The following ZBTB7C variants were observed in gnomAD, a reference collection of about 807,000 sequenced individuals.
ZBTB7C encodes zinc finger and BTB domain containing 7C.
ZBTB7C carries 8 observed loss-of-function variants against 25.7 expected under a neutral mutation model. That is an observed-to-expected ratio of 0.31 (90% confidence interval 0.18 to 0.56). The LOEUF is 0.56. ZBTB7C is among the 20% of genes least tolerant of loss of function. The pLI is 0.91. For synonymous variants in ZBTB7C, 394 were observed against 369.0 expected (o/e 1.07, Z -0.78); for missense variants, 824 against 855.2 (o/e 0.96, Z 0.46).
At chr18:48,382,153 C>T (rs916950571) in intron 1 of ZBTB7C, among the ~76,000 whole-genome samples, 2 of 152,170 alleles carry the variant, frequency 1.3e-5, no homozygotes, top group South Asian at 2.1e-4. Flanking sequence ...GAAGCCAATA[C>T]TAGTGGGAAG....
At chr18:48,344,594 T>A (rs2046684583) in intron 1 of ZBTB7C, among the ~76,000 whole-genome samples, 1 of 152,178 alleles carries the variant, frequency 6.6e-6, no homozygotes, top group South Asian at 2.1e-4. Flanking sequence ...AAAGATGGTA[T>A]AATGGAGATC....
intron 2 of ZBTB7C, among the ~76,000 whole-genome samples, chr18:48,306,890 C>T (rs1379827681): frequency 6.6e-6 from 1 of 152,176 alleles, no homozygotes; most frequent in Non-Finnish European, 1.5e-5. Flanking sequence ...CAGATATGCC[C>T]TTTGCATCGG....
At chr18:48,225,026 T>C (rs1353972255) in intron 2 of ZBTB7C, among the ~76,000 whole-genome samples, 2 of 152,246 alleles carry the variant, frequency 1.3e-5, no homozygotes, top group African/African-American at 4.8e-5. Context: ...CAGAACTCTC[T>C]TTGTAATATT....
At chr18:48,367,108 G>A (rs1468179157) in intron 1 of ZBTB7C, among the ~76,000 whole-genome samples, 2 of 145,272 alleles carry the variant, frequency 1.4e-5, no homozygotes, top group African/African-American at 5.1e-5. Flanking sequence ...AGAAAAGGAA[G>A]TAGAGAGGGC....
At chr18:48,315,068 T>C (rs974679718) in intron 2 of ZBTB7C, among the ~76,000 whole-genome samples, 1 of 152,182 alleles carries the variant, frequency 6.6e-6, no homozygotes, top group East Asian at 1.9e-4. Context: ...CCAATCTGCC[T>C]GGGGAATGCC....
At chr18:48,119,727 G>T (rs1263920529) in intron 3 of ZBTB7C, among the ~76,000 whole-genome samples, 1 of 152,142 alleles carries the variant, frequency 6.6e-6, no homozygotes, top group African/African-American at 2.4e-5. Context: ...GTGTTGGTTT[G>T]CTTGGGTCTC....
chr18:48,173,302 T>G (rs530995050), intron 3 of ZBTB7C, among the ~76,000 whole-genome samples: 27 of 152,292 alleles, frequency 1.8e-4, no homozygotes, highest in Non-Finnish European at 3.4e-4. Flanking sequence ...ATTATCTCAT[T>G]TAATCTTGAT....
intron 1 of ZBTB7C, among the ~76,000 whole-genome samples, chr18:48,367,318 A>G (rs7238842): frequency 8.0e-6 from 1 of 124,414 alleles, no homozygotes; most frequent in African/African-American, 3.2e-5. Flanking sequence ...AGATACATAT[A>G]TGTGTGTATA....
intron 1 of ZBTB7C, among the ~76,000 whole-genome samples, chr18:48,340,598 C>A (rs1297841383): frequency 6.6e-6 from 1 of 152,186 alleles, no homozygotes; most frequent in Non-Finnish European, 1.5e-5. Context: ...CTGCAGGTCA[C>A]CTGGCAGCTG....
intron 1 of ZBTB7C, among the ~76,000 whole-genome samples, chr18:48,381,792 G>A (rs1347981719): frequency 6.6e-6 from 1 of 152,196 alleles, no homozygotes; most frequent in Non-Finnish European, 1.5e-5. Flanking sequence ...TAGGATCTAG[G>A]CTGAAGGACT....
At chr18:48,272,609 G>A (rs546503590) in intron 2 of ZBTB7C, among the ~76,000 whole-genome samples, 1 of 151,946 alleles carries the variant, frequency 6.6e-6, no homozygotes, top group Admixed American at 6.5e-5. Flanking sequence ...TTTCTCAAAG[G>A]TTAAAGGTAT....
At chr18:48,047,164 G>A (rs1469156339) in intron 3 of ZBTB7C, among the ~76,000 whole-genome samples, 1 of 152,170 alleles carries the variant, frequency 6.6e-6, no homozygotes, top group Non-Finnish European at 1.5e-5. Flanking sequence ...CACCCTGCAT[G>A]CTGGGAGCTT....
intron 3 of ZBTB7C, chr18:48,148,046 G>C (rs550431159): frequency 1.3e-5 from 2 of 152,010 alleles, no homozygotes; most frequent in Non-Finnish European, 2.9e-5. Context: ...GCCTGGGCTG[G>C]AGTGCAATGG....
intron 2 of ZBTB7C, among the ~76,000 whole-genome samples, chr18:48,198,796 C>T (rs1317381027): frequency 6.6e-6 from 1 of 152,210 alleles, no homozygotes; most frequent in Non-Finnish European, 1.5e-5. Context: ...AACACTTTCA[C>T]AGGCCCTGGG....
chr18:48,125,908 G>A (rs1358404099), intron 3 of ZBTB7C, among the ~76,000 whole-genome samples: 3 of 152,194 alleles, frequency 2.0e-5, no homozygotes, highest in Non-Finnish European at 2.9e-5. Context: ...TTTACCTAGT[G>A]TGCTTTGGGC....
intron 2 of ZBTB7C, among the ~76,000 whole-genome samples, chr18:48,245,970 A>G (rs1302648935): frequency 2.6e-5 from 4 of 152,252 alleles, no homozygotes; most frequent in Non-Finnish European, 5.9e-5. Context: ...GAAAACAAAA[A>G]TTGTGCCTAA....
At chr18:48,190,928 A>C (rs75403967) in intron 2 of ZBTB7C, among the ~76,000 whole-genome samples, 5,265 of 152,308 alleles carry the variant, frequency 0.035, 119 homozygotes, top group Non-Finnish European at 0.053. Context: ...TATAATCGGC[A>C]TGTGACACAA....
At chr18:48,052,653 C>T (rs2036742431) in intron 3 of ZBTB7C, among the ~76,000 whole-genome samples, 1 of 152,070 alleles carries the variant, frequency 6.6e-6, no homozygotes, top group Non-Finnish European at 1.5e-5. Flanking sequence ...TGGGAAGTAC[C>T]CAGGTGTGCA....
At chr18:48,204,839 T>C (rs1198223891) in intron 2 of ZBTB7C, among the ~76,000 whole-genome samples, 1 of 152,104 alleles carries the variant, frequency 6.6e-6, no homozygotes, top group East Asian at 1.9e-4. Flanking sequence ...AGCCAGGAGC[T>C]CTCAAAGGAG....
Sources: gnomAD v4.1 joint callset for allele counts (sites outside exome capture counted in the v4.1 genomes callset) on GRCh38, gnomAD v4.1.1 for gene constraint, MANE v1.5 for transcripts, NCBI Gene and HGNC (gene_info 2026-07-23, HGNC 2026-07-21) for gene names.